The following MOSPD1 variants were observed in gnomAD, a reference collection of about 807,000 sequenced individuals.
MOSPD1 encodes motile sperm domain containing 1.
MOSPD1 carries 5 observed loss-of-function variants against 16.7 expected under a neutral mutation model. That is an observed-to-expected ratio of 0.30 (90% CI 0.16 to 0.63). MOSPD1 has a LOEUF of 0.63. MOSPD1 is among the 30% of genes least tolerant of loss of function. The pLI, the probability that MOSPD1 is intolerant of heterozygous loss-of-function variation, is 0.82. For synonymous variants in MOSPD1, 67 were observed against 59.2 expected (o/e 1.13, Z -0.61); for missense variants, 104 against 153.6 (o/e 0.68, Z 1.71).
intron 5 of MOSPD1, 129 bp from the exon 6 acceptor site, chrX:134,889,321 CAA>C: frequency 2.5e-6 from 1 of 396,542 alleles, no homozygotes; most frequent in Non-Finnish European, 4.1e-6. Context: ...ACCAAGAACC[CAA>C]AGTCAATTTG....
rs1246281282 is a variant in MOSPD1, at chrX:134,887,748, CAAG to C, written c.*1410_*1412del. 1.8e-5 allele frequency: 2 copies of C among 113,256 alleles called. No homozygotes were observed. The highest frequency in any genetic ancestry group is 9.3e-5 in the Admixed American group (1 of 10,743). 9.3% of individuals were successfully genotyped at this position (113,256 alleles called of 1,213,427 possible). ...ACACACAGGACTTGAGATGGAGAAA[CAAG>C]AATAGCCTCCACACATCATTTTTAC... On this transcript the variant is annotated 3_prime_UTR_variant, in exon 6 of 6. Transcript: ENST00000370783.
intron 3 of MOSPD1, among the ~76,000 whole-genome samples, chrX:134,897,478 G>C (rs2082890904): frequency 1.0e-5 from 1 of 100,257 alleles, no homozygotes; most frequent in African/African-American, 3.8e-5. Flanking sequence ...GATCCCTTAA[G>C]CCCAAGAGGT....
At chrX:134,890,740 G>A (rs1442747408) in intron 5 of MOSPD1, among the ~76,000 whole-genome samples, 2 of 110,982 alleles carry the variant, frequency 1.8e-5, no homozygotes, top group Non-Finnish European at 3.8e-5. Flanking sequence ...CCTGGGAGGC[G>A]GGGCTTGCAG....
intron 1 of MOSPD1, among the ~76,000 whole-genome samples, chrX:134,913,303 G>A (rs1437816242): frequency 4.5e-5 from 5 of 111,213 alleles, no homozygotes; most frequent in Non-Finnish European, 9.4e-5. Flanking sequence ...GAGCCCAGGA[G>A]GCAAAGGTTG....
intron 5 of MOSPD1, among the ~76,000 whole-genome samples, 193 bp from the exon 6 acceptor site, chrX:134,889,385 A>C (rs1236455746): frequency 8.9e-6 from 1 of 112,435 alleles, no homozygotes; most frequent in Non-Finnish European, 1.9e-5. Flanking sequence ...ATGGGCAGTC[A>C]CTGGAGAGAT....
At chrX:134,913,928 C>A (rs1261376540) in intron 1 of MOSPD1, among the ~76,000 whole-genome samples, 1 of 111,883 alleles carries the variant, frequency 8.9e-6, no homozygotes, top group African/African-American at 3.2e-5. Flanking sequence ...CTTCCCACTA[C>A]CAACTATAAG....
chrX:134,889,310 T>C lies in MOSPD1; in HGVS notation c.611-118A>G, dbSNP rs2082850044. On this transcript the variant is annotated intron_variant, in intron 5 of 5. Transcript: ENST00000370783. ...CAACATAGCACATAGGCAGGCACTC[T>C]ACCAAGAACCCAAAGTCAATTTGAA... The C allele has an allele frequency of 1.1e-5, 5 of 455,483 alleles. No individual in the cohort carries two copies. The Admixed American group carries it at 2.0e-4, about 18-fold the overall frequency. The allele number at this position is 455,483 out of a possible 1,213,427, so 37.5% of individuals were successfully genotyped here. A position where few individuals can be genotyped will look rare whatever the true frequency, so the allele number is the denominator to read the frequency against.
chrX:134,898,925 C>T (rs979143353), intron 3 of MOSPD1, 165 bp downstream of exon 3: 31 of 432,633 alleles, frequency 7.2e-5, no homozygotes, highest in African/African-American at 5.7e-4. Flanking sequence ...AGTATTTGGC[C>T]GAATCTCTTA....
At chrX:134,898,885 C>T (rs1341746871) in intron 3 of MOSPD1, 1 of 379,772 alleles carries the variant, frequency 2.6e-6, no homozygotes, top group Non-Finnish European at 4.6e-6. Context: ...CTAACATATA[C>T]ATGAGCTCCA....
At chrX:134,896,781 G>T (rs762532174) in intron 4 of MOSPD1, 36 bp downstream of exon 4, 1 of 1,027,834 alleles carries the variant, frequency 9.7e-7, no homozygotes, top group Non-Finnish European at 1.4e-6. Context: ...TAATGTGTAA[G>T]ACCTCAAAAG....
intron 4 of MOSPD1, among the ~76,000 whole-genome samples, 183 bp from the exon 5 acceptor site, chrX:134,891,823 G>T (rs754847622): frequency 8.9e-6 from 1 of 111,736 alleles, no homozygotes; most frequent in African/African-American, 3.2e-5. Context: ...GTCTTAACTG[G>T]TCTGAATCAT....
chrX:134,897,566 A>G (rs2082891684), intron 3 of MOSPD1, among the ~76,000 whole-genome samples: 1 of 74,558 alleles, frequency 1.3e-5, no homozygotes, highest in African/African-American at 6.3e-5. Context: ...AAAAAAAAAA[A>G]AAGAAAGAAA....
chrX:134,890,702 G>A (rs1452984194), intron 5 of MOSPD1, among the ~76,000 whole-genome samples: 1 of 110,885 alleles, frequency 9.0e-6, no homozygotes, highest in African/African-American at 3.3e-5. Flanking sequence ...CAGCTACTCG[G>A]GAGGCTGAGG....
intron 5 of MOSPD1, among the ~76,000 whole-genome samples, chrX:134,890,981 T>C (rs925981197): frequency 1.8e-5 from 2 of 111,751 alleles, no homozygotes; most frequent in Non-Finnish European, 3.8e-5. Flanking sequence ...CAATTAACTC[T>C]AAGATTTCAA....
chrX:134,899,487 T>C lies in MOSPD1; in HGVS notation c.-54A>G, dbSNP rs2082902132. 2.8e-6 allele frequency: 3 copies of C among 1,070,182 alleles called. No individual in the cohort carries two copies. Among genetic ancestry groups the C allele is most frequent in the South Asian group, 5.5e-5 (2 of 36,373 alleles). The allele number at this position is 1,070,182 out of a possible 1,213,427, so 88.2% of individuals were successfully genotyped here. On this transcript the variant is annotated 5_prime_UTR_variant, in exon 2 of 6. Coordinates refer to ENST00000370783, the MANE Select transcript of MOSPD1 (RefSeq NM_019556.3). ...CTGTTTTTACAGTCTCAAATCTATT[T>C]TGGACTTTTCTTAGATTCAGTTAAA...
intron 3 of MOSPD1, among the ~76,000 whole-genome samples, chrX:134,898,829 C>T (rs1443728052): frequency 9.0e-6 from 1 of 111,455 alleles, no homozygotes; most frequent in African/African-American, 3.3e-5. Flanking sequence ...ATAAGCATCC[C>T]TGGTATGACT....
intron 1 of MOSPD1, chrX:134,899,776 A>C: frequency 7.1e-6 from 1 of 140,019 alleles, no homozygotes; most frequent in Non-Finnish European, 1.4e-5. Flanking sequence ...TAAAAATACA[A>C]AATACAAAAA....
chrX:134,890,934 C>T (rs1399437066), intron 5 of MOSPD1, among the ~76,000 whole-genome samples: 1 of 111,951 alleles, frequency 8.9e-6, no homozygotes, highest in African/African-American at 3.2e-5. Context: ...ATCCTCGACA[C>T]ATGGAAGGTA....
At chrX:134,893,792 T>C (rs1412819187) in intron 4 of MOSPD1, among the ~76,000 whole-genome samples, 2 of 111,793 alleles carry the variant, frequency 1.8e-5, no homozygotes, top group Non-Finnish European at 3.8e-5. Context: ...AATGTCTGCC[T>C]GGCACACTAT....
Sources: allele counts gnomAD v4.1 joint callset (sites outside exome capture counted in the v4.1 genomes callset), GRCh38; gene constraint gnomAD v4.1.1; transcripts MANE v1.5; gene names NCBI Gene and HGNC (gene_info 2026-07-23, HGNC 2026-07-21).